The following PRR16 variants were observed in gnomAD, a reference collection of about 807,000 sequenced individuals.
PRR16 encodes protein Largen.
Under a neutral mutation model 18.2 loss-of-function variants are expected in PRR16, and 6 were observed. The ratio of observed to expected loss-of-function variants is 0.33; its 90% confidence interval spans 0.18 to 0.65. The LOEUF is 0.65. Among genes scored for constraint, PRR16 ranks in the 30% least tolerant of loss-of-function variants. PRR16 has a pLI of 0.74. For synonymous variants in PRR16, 151 were observed against 147.8 expected, an observed-to-expected ratio of 1.02 and a Z score of -0.16; for missense variants, 412 against 376.6, an observed-to-expected ratio of 1.09 and a Z score of -0.78.
chr5:120,612,790 A>G (rs1037183495), intron 1 of PRR16, among the ~76,000 whole-genome samples: 7 of 152,208 alleles, frequency 4.6e-5, no homozygotes, highest in African/African-American at 1.4e-4. Context: ...TAAAATGCTA[A>G]TAAATGTAAT....
chr5:120,545,870 G>A (rs975311965), intron 1 of PRR16, among the ~76,000 whole-genome samples: 7 of 151,982 alleles, frequency 4.6e-5, no homozygotes, highest in Non-Finnish European at 4.4e-5. Context: ...AGCTTGAAAA[G>A]TAGGATGAGT....
At chr5:120,769,728 A>G in the PRR16 span, among the ~76,000 whole-genome samples, 2 of 151,876 alleles carry the variant, frequency 1.3e-5, no homozygotes, top group Non-Finnish European at 2.9e-5. Flanking sequence ...TATGCCCAGA[A>G]GCGGAATTGC....
At chr5:120,731,249 T>C in the PRR16 span, among the ~76,000 whole-genome samples, 1 of 152,130 alleles carries the variant, frequency 6.6e-6, no homozygotes, top group African/African-American at 2.4e-5. Context: ...TAAACTAAAA[T>C]ATGTAATTCT....
At chr5:120,607,533 T>G (rs996962447) in intron 1 of PRR16, among the ~76,000 whole-genome samples, 4 of 152,190 alleles carry the variant, frequency 2.6e-5, no homozygotes, top group Non-Finnish European at 4.4e-5. Flanking sequence ...GCTGTGAATA[T>G]GGATGCTGCA....
At chr5:120,566,407 T>A (rs1223414720) in intron 1 of PRR16, among the ~76,000 whole-genome samples, 3 of 152,174 alleles carry the variant, frequency 2.0e-5, no homozygotes, top group Non-Finnish European at 4.4e-5. Flanking sequence ...TCCTGCCCAT[T>A]CTAGTGAATG....
chr5:120,782,762 G>T, the PRR16 span, among the ~76,000 whole-genome samples: 1 of 151,950 alleles, frequency 6.6e-6, no homozygotes, highest in Non-Finnish European at 1.5e-5. Flanking sequence ...TTTTTCTTTG[G>T]GCCCTGCAAA....
chr5:120,741,745 C>T, the PRR16 span, among the ~76,000 whole-genome samples: 1 of 152,040 alleles, frequency 6.6e-6, no homozygotes, highest in Admixed American at 6.6e-5. Flanking sequence ...GGATTACAGG[C>T]ACGCACCACC....
intron 1 of PRR16, among the ~76,000 whole-genome samples, chr5:120,631,364 A>G (rs1428984657): frequency 6.6e-6 from 1 of 152,104 alleles, no homozygotes; most frequent in Non-Finnish European, 1.5e-5. Context: ...CTGGATCACC[A>G]CTGCAGGCTC....
chr5:120,765,310 A>C, the PRR16 span, among the ~76,000 whole-genome samples: 50 of 152,112 alleles, frequency 3.3e-4, no homozygotes, highest in African/African-American at 1.2e-3. Context: ...AATGTATCTT[A>C]GTCTGTTTTT....
intron 1 of PRR16, among the ~76,000 whole-genome samples, chr5:120,507,810 G>A (rs1750695119): frequency 6.6e-6 from 1 of 151,946 alleles, no homozygotes; most frequent in Non-Finnish European, 1.5e-5. Flanking sequence ...AAAAATTACT[G>A]TCTGATGCAA....
chr5:120,724,239 A>C, the PRR16 span, among the ~76,000 whole-genome samples: 1 of 152,078 alleles, frequency 6.6e-6, no homozygotes, highest in Non-Finnish European at 1.5e-5. Context: ...GGAATAATTA[A>C]CTTATTTTCA....
At chr5:120,728,166 G>A in the PRR16 span, among the ~76,000 whole-genome samples, 37 of 151,984 alleles carry the variant, frequency 2.4e-4, no homozygotes, top group Non-Finnish European at 4.3e-4. Flanking sequence ...TTTTTAAGTA[G>A]TATTTACTGT....
At chr5:120,791,865 T>A in the PRR16 span, among the ~76,000 whole-genome samples, 15 of 152,178 alleles carry the variant, frequency 9.9e-5, no homozygotes, top group African/African-American at 3.6e-4. Flanking sequence ...CACTCTGCAA[T>A]ATCTCCTGGT....
chr5:120,465,489 A>G (rs1580605023), intron 1 of PRR16: 1 of 152,034 alleles, frequency 6.6e-6, no homozygotes, highest in Non-Finnish European at 1.5e-5. Context: ...GTTCAGCCCT[A>G]CTCCCGCCCG....
At chr5:120,767,583 T>C in the PRR16 span, among the ~76,000 whole-genome samples, 1 of 151,816 alleles carries the variant, frequency 6.6e-6, no homozygotes, top group East Asian at 1.9e-4. Context: ...AATTCAGTAA[T>C]CTCACCTCCC....
chr5:120,768,518 T>C, the PRR16 span, among the ~76,000 whole-genome samples: 1 of 151,676 alleles, frequency 6.6e-6, no homozygotes, highest in Non-Finnish European at 1.5e-5. Flanking sequence ...GAAGCTGGTG[T>C]GAATACCTAC....
At chr5:120,701,500 A>C in the PRR16 span, among the ~76,000 whole-genome samples, 4 of 152,274 alleles carry the variant, frequency 2.6e-5, no homozygotes, top group South Asian at 8.3e-4. Context: ...TTTAAGAGTA[A>C]ATTGCTGGGC....
chr5:120,715,204 A>C, the PRR16 span, among the ~76,000 whole-genome samples: 1 of 152,138 alleles, frequency 6.6e-6, no homozygotes, highest in Admixed American at 6.6e-5. Flanking sequence ...TTTTACACTT[A>C]GATCTGTGTT....
intron 1 of PRR16, among the ~76,000 whole-genome samples, chr5:120,479,330 T>C (rs1749538533): frequency 6.6e-6 from 1 of 152,140 alleles, no homozygotes; most frequent in South Asian, 2.1e-4. Context: ...CCTCTGTCTT[T>C]AAAGACCATG....
Sources: gnomAD v4.1 joint callset for allele counts (sites outside exome capture counted in the v4.1 genomes callset) on GRCh38, gnomAD v4.1.1 for gene constraint, MANE v1.5 for transcripts, NCBI Gene and HGNC (gene_info 2026-07-23, HGNC 2026-07-21) for gene names.